The following RANBP2 variants were observed in gnomAD, a reference collection of about 807,000 sequenced individuals.
RANBP2 encodes the protein E3 SUMO-protein ligase RanBP2.
In RANBP2, 57 loss-of-function variants were observed where a neutral mutation model predicts 303.6. That is an observed-to-expected ratio of 0.19 (90% CI 0.15 to 0.23). The LOEUF (loss-of-function observed/expected upper bound fraction) is 0.23, where lower values mean the gene tolerates loss of function less well. Ranked by LOEUF, RANBP2 falls within the 10% of genes least tolerant of loss-of-function variation. The pLI is 1.00. For missense variants in RANBP2, 3,138 were observed against 3,780.8 expected (o/e 0.83, Z 4.46); for synonymous variants, 1,167 against 1,301.5 (o/e 0.90, Z 2.23).
the RANBP2 span, among the ~76,000 whole-genome samples, chr2:109,078,345 AG>A: frequency 4.9e-5 from 7 of 142,318 alleles, no homozygotes; most frequent in Admixed American, 5.0e-4. Context: ...GCCTTAAAAA[AG>A]AAGGAAGTTA....
chr2:108,833,726 C>A, the RANBP2 span, among the ~76,000 whole-genome samples: 2 of 91,036 alleles, frequency 2.2e-5, no homozygotes, highest in African/African-American at 8.2e-5. Context: ...GTGGAGTAAA[C>A]TTTTTTTTTT....
the RANBP2 span, among the ~76,000 whole-genome samples, chr2:109,540,799 A>T: frequency 3.4e-4 from 1 of 2,932 alleles, no homozygotes; most frequent in African/African-American, 1.1e-3. Flanking sequence ...AGACCCTGTC[A>T]AAAAAAAAAA....
At chr2:108,810,488 C>T in the RANBP2 span, among the ~76,000 whole-genome samples, 1 of 152,116 alleles carries the variant, frequency 6.6e-6, no homozygotes, top group Non-Finnish European at 1.5e-5. Flanking sequence ...ATATTTGAGC[C>T]TTCCTGTGTC....
chr2:109,122,145 G>T, the RANBP2 span, among the ~76,000 whole-genome samples: 1 of 152,198 alleles, frequency 6.6e-6, no homozygotes, highest in South Asian at 2.1e-4. Flanking sequence ...GAGGGAACAC[G>T]CTTTTGTTGA....
the RANBP2 span, among the ~76,000 whole-genome samples, chr2:109,229,531 G>T: frequency 6.6e-6 from 1 of 152,120 alleles, no homozygotes; most frequent in Non-Finnish European, 1.5e-5. Context: ...TTGAGAGCCC[G>T]ATACGGGAGG....
chr2:109,544,986 A>G, the RANBP2 span: 85 of 985,344 alleles, frequency 8.6e-5, no homozygotes, highest in Non-Finnish European at 1.0e-4. Flanking sequence ...AAAATCTGCC[A>G]AAGTCCTGTG....
At chr2:109,256,848 T>A in the RANBP2 span, among the ~76,000 whole-genome samples, 2 of 152,198 alleles carry the variant, frequency 1.3e-5, no homozygotes, top group Non-Finnish European at 2.9e-5. Context: ...GTGTCCCTTG[T>A]CTTCCATTGT....
the RANBP2 span, among the ~76,000 whole-genome samples, chr2:109,522,610 T>TG: frequency 4.6e-5 from 7 of 150,970 alleles, no homozygotes; most frequent in Admixed American, 4.0e-4. Context: ...AGCCTTTTTT[T>TG]TTCCAGGCTG....
At chr2:109,486,376 G>A in the RANBP2 span, among the ~76,000 whole-genome samples, 1 of 152,110 alleles carries the variant, frequency 6.6e-6, no homozygotes, top group Non-Finnish European at 1.5e-5. Context: ...CAGTGGTTCG[G>A]GTGCTCTCCC....
chr2:108,732,100 TG>T (rs761781855), intron 4 of RANBP2, among the ~76,000 whole-genome samples: 5 of 152,224 alleles, frequency 3.3e-5, no homozygotes, highest in Non-Finnish European at 5.9e-5. Context: ...TATATATTAA[TG>T]TATACTTTAT....
At chr2:109,613,788 C>A in the RANBP2 span, 1 of 1,227,114 alleles carries the variant, frequency 8.1e-7, no homozygotes, top group Non-Finnish European at 1.0e-6. Context: ...CCGGCGTCGG[C>A]GGGACTCACC....
chr2:108,860,950 T>TTTTTTTTG, the RANBP2 span, among the ~76,000 whole-genome samples: 4 of 141,880 alleles, frequency 2.8e-5, no homozygotes, highest in Non-Finnish European at 6.2e-5. Context: ...TTTTTTTTTT[T>TTTTTTTTG]TTTTTTTTGG....
At chr2:109,651,502 G>C in the RANBP2 span, among the ~76,000 whole-genome samples, 2 of 152,132 alleles carry the variant, frequency 1.3e-5, no homozygotes, top group Non-Finnish European at 2.9e-5. Flanking sequence ...TAATATGTTG[G>C]CACCAACAAG....
the RANBP2 span, among the ~76,000 whole-genome samples, chr2:109,590,655 T>C: frequency 2.6e-5 from 4 of 152,256 alleles, no homozygotes; most frequent in African/African-American, 9.6e-5. Flanking sequence ...TCTCGAACTC[T>C]TGACCTCAGG....
the RANBP2 span, chr2:109,615,825 G>A: frequency 6.2e-7 from 1 of 1,614,196 alleles, no homozygotes; most frequent in Non-Finnish European, 8.5e-7. Flanking sequence ...CCACTCGGCT[G>A]AGGGGTGGGT....
chr2:108,812,555 T>C, the RANBP2 span: 1 of 1,023,708 alleles, frequency 9.8e-7, no homozygotes. Flanking sequence ...CCAGATTAGA[T>C]AGTAGATTGG....
At chr2:109,551,609 T>C in the RANBP2 span, among the ~76,000 whole-genome samples, 2 of 152,220 alleles carry the variant, frequency 1.3e-5, no homozygotes, top group African/African-American at 4.8e-5. Context: ...GGGAAGGACA[T>C]AGGTATCCTA....
the RANBP2 span, among the ~76,000 whole-genome samples, chr2:109,346,815 A>T: frequency 6.6e-6 from 1 of 152,200 alleles, no homozygotes; most frequent in Non-Finnish European, 1.5e-5. Flanking sequence ...TTAACCTCTG[A>T]CGGATACAAG....
the RANBP2 span, among the ~76,000 whole-genome samples, chr2:108,925,456 T>C: frequency 5.9e-5 from 9 of 152,158 alleles, no homozygotes; most frequent in African/African-American, 2.2e-4. Flanking sequence ...ATTTTGAGCA[T>C]GGGGAGGGTG....
Sources: gnomAD v4.1 joint callset for allele counts (sites outside exome capture counted in the v4.1 genomes callset) on GRCh38, gnomAD v4.1.1 for gene constraint, MANE v1.5 for transcripts, NCBI Gene and HGNC (gene_info 2026-07-23, HGNC 2026-07-21) for gene names.